The following CMYA5 variants were observed in gnomAD, a reference collection of about 807,000 sequenced individuals.
CMYA5 encodes cardiomyopathy-associated protein 5.
Under a neutral mutation model 318.9 loss-of-function variants are expected in CMYA5, and 246 were observed. The ratio of observed to expected loss-of-function variants is 0.77; its 90% CI spans 0.70 to 0.86. The LOEUF (loss-of-function observed/expected upper bound fraction) is 0.86. Ranked by LOEUF, CMYA5 falls within the 40% of genes least tolerant of loss-of-function variation. The probability of loss-of-function intolerance (pLI) is 0.00; values close to 1 mark genes in which losing one functional copy is unlikely to be tolerated. For missense variants in CMYA5, 4,589 were observed against 4,678.2 expected (o/e 0.98, Z 0.56); for synonymous variants, 1,641 against 1,729.5 (o/e 0.95, Z 1.27).
chr5:79,690,695 C>T (rs1189257969), intron 1 of CMYA5, among the ~76,000 whole-genome samples: 1 of 152,172 alleles, frequency 6.6e-6, no homozygotes, highest in Non-Finnish European at 1.5e-5. Flanking sequence ...TAAGAAGGCC[C>T]TAAAATGAGA....
intron 1 of CMYA5, among the ~76,000 whole-genome samples, chr5:79,721,299 C>T (rs1046710896): frequency 1.3e-5 from 2 of 151,802 alleles, no homozygotes; most frequent in Admixed American, 6.6e-5. Context: ...GCCTGGGCAA[C>T]ATATTGAGAC....
chr5:79,747,048 T>C lies in CMYA5; in HGVS notation c.10969-43T>C, dbSNP rs1828338078. On this transcript the variant is annotated intron_variant, in intron 4 of 12. Coordinates refer to ENST00000446378, the MANE Select transcript of CMYA5 (RefSeq NM_153610.5). ...CTTCTCTCTCTCTTTCTCTCTCTCTTTTTCTCTCTTCTCCTCCTCCTTCCT... is the reference window on the plus strand; with the variant it reads ...CTTCTCTCTCTCTTTCTCTCTCTCTCTTTCTCTCTTCTCCTCCTCCTTCCT... The C allele has an allele frequency of 3.4e-6, 4 of 1,177,132 alleles. No individual in the cohort carries two copies. In the African/African-American group the frequency reaches 4.6e-5, roughly 14 times the overall value. The allele number at this position is 1,177,132 out of a possible 1,614,324, so 72.9% of individuals were successfully genotyped here. A position where few individuals can be genotyped will look rare whatever the true frequency, so the allele number is the denominator to read the frequency against.
rs766864550 is a variant in CMYA5, at chr5:79,758,868, C to T, written c.11226C>T (p.Cys3742=). Residue 3742 remains cysteine, a synonymous_variant, in exon 7 of 13, where the codon TGC becomes TGT. Transcript: ENST00000446378. The part of the protein sequence containing the change: ...EDVIDSFQVY[C]MEEPQDDQEV... ...TCATTGATTCATTTCAGGTTTACTG[C>T]ATGGAGGAGCCACAAGATGATCAAG... is the stretch of plus-strand genomic sequence containing the variant. The T allele has an allele frequency of 1.3e-6, 2 of 1,598,456 alleles. No individual in the cohort carries two copies. The highest frequency in any genetic ancestry group is 1.7e-6 in the Non-Finnish European group (2 of 1,172,654).
Position 79,730,382 on chromosome 5 carries a change from C to T in CMYA5, c.1617C>T (p.Ser539=). The change falls in exon 2 of 13, where the codon AGC becomes AGT. Residue 539 remains serine (S), a synonymous_variant. Transcript: ENST00000446378. Reference sequence around the variant, plus strand: ...TCGTAGAACTTGATTACCCAGAAAGCCCATTGGTTTCCGAGAAGCCCTTCC... The same window carrying T: ...TCGTAGAACTTGATTACCCAGAAAGTCCATTGGTTTCCGAGAAGCCCTTCC... ...EEIVELDYPE[S]PLVSEKPFPP... is the part of the protein sequence containing the mutation. 2 of 1,613,900 alleles carry T rather than the reference C, an allele frequency of 1.2e-6. No homozygotes were observed. Among genetic ancestry groups the T allele is most frequent in the Admixed American group, 1.7e-5 (1 of 60,030 alleles).
chr5:79,772,753 C>T lies in CMYA5; in HGVS notation c.11555+9544C>T, dbSNP rs866947117. Among the ~76,000 whole-genome samples, 29 of 152,272 alleles carry T rather than the reference C, an allele frequency of 1.9e-4. 1 individual carries two copies. Among genetic ancestry groups the T allele is most frequent in the Middle Eastern group, 6.8e-3 (2 of 294 alleles). ...GGTTCTTTAATGTAAGAGTTCAAGA[C>T]GGAAGGAAAATTCTGCTCTTTGGGA... On this transcript the variant is annotated intron_variant, in intron 9 of 12. Coordinates refer to ENST00000446378, the MANE Select transcript of CMYA5 (RefSeq NM_153610.5).
rs531799249 is a variant in CMYA5, at chr5:79,777,194, GA to G, written c.11556-11775del. On this transcript the variant is annotated intron_variant, in intron 9 of 12. Transcript: ENST00000446378. Reference sequence around the variant, plus strand: ...AAATATTTAATTAAATTTGGATAGAGAATATGTATTTATGGTACAAATTAAA... The same window carrying G: ...AAATATTTAATTAAATTTGGATAGAGATATGTATTTATGGTACAAATTAAA... Among the ~76,000 whole-genome samples the G allele has an allele frequency of 1.2e-4, 19 of 152,218 alleles. No individual in the cohort carries two copies. In the South Asian group the frequency reaches 3.3e-3, roughly 27 times the overall value.
intron 9 of CMYA5, among the ~76,000 whole-genome samples, chr5:79,766,303 A>G (rs1462287668): frequency 2.0e-5 from 3 of 152,076 alleles, no homozygotes; most frequent in Admixed American, 1.3e-4. Flanking sequence ...GGGTTTCACC[A>G]TGTTAGCCAG....
chr5:79,704,687 G>GAGAGAGGGAGAGAAAGAGAGAGAA (rs1827237349), intron 1 of CMYA5, among the ~76,000 whole-genome samples: 3 of 152,088 alleles, frequency 2.0e-5, no homozygotes, highest in African/African-American at 7.2e-5. Context: ...TTGAGAGAGA[G>GAGAGAGGGAGAGAAAGAGAGAGAA]AGAGGGAGAG....
chr5:79,769,987 A>G (rs1355425521), intron 9 of CMYA5, among the ~76,000 whole-genome samples: 1 of 152,168 alleles, frequency 6.6e-6, no homozygotes, highest in African/African-American at 2.4e-5. Flanking sequence ...CCTTTCTTTC[A>G]GAGATGCCCT....
In CMYA5 at chr5:79,799,497, C is replaced by T; in HGVS notation, c.12091C>T (p.Leu4031Phe). ...IFINAESEQLLFIIRHRFNEG... is the reference protein window; with the variant it reads ...IFINAESEQLFFIIRHRFNEG... ...CATCAACGCAGAGAGCGAGCAGTTG[C>T]TCTTCATCATCAGGCACAGGTTTAA... Residue 4031 changes from leucine to phenylalanine, a missense_variant, in exon 13 of 13, where the codon CTC (leucine) becomes TTC (phenylalanine). Physicochemically the swap from Leu to Phe is conservative, Grantham distance 22 (BLOSUM62 0). Around this residue, in one of 3 missense-constraint regions of CMYA5, gnomAD observed 2,431 missense variants for 2,495.1 expected, o/e 0.97. Coordinates refer to ENST00000446378, the MANE Select transcript of CMYA5 (RefSeq NM_153610.5). The T allele has an allele frequency of 6.2e-7, 1 of 1,614,036 alleles. No homozygotes were observed. Among genetic ancestry groups the T allele is most frequent in the Non-Finnish European group, 8.5e-7 (1 of 1,179,898 alleles).
intron 1 of CMYA5, 84 bp downstream of exon 1, chr5:79,690,140 T>TG: frequency 1.5e-6 from 2 of 1,367,766 alleles, no homozygotes; most frequent in South Asian, 3.4e-5. Context: ...TTTTAAGCTC[T>TG]GGGGTTCGTT....
At chr5:79,794,998 A>G (rs767785914) in intron 12 of CMYA5, among the ~76,000 whole-genome samples, 1 of 152,218 alleles carries the variant, frequency 6.6e-6, no homozygotes, top group Non-Finnish European at 1.5e-5. Flanking sequence ...AGCTGAAACT[A>G]CATATTAATT....
At chr5:79,755,260 C>T (rs1403213151) in intron 6 of CMYA5, among the ~76,000 whole-genome samples, 1 of 151,930 alleles carries the variant, frequency 6.6e-6, no homozygotes, top group African/African-American at 2.4e-5. Context: ...AAGCCCTAAA[C>T]TTTCATTTTG....
At chr5:79,760,985 G>A (rs1018935674) in intron 7 of CMYA5, among the ~76,000 whole-genome samples, 3 of 152,120 alleles carry the variant, frequency 2.0e-5, no homozygotes, top group Non-Finnish European at 4.4e-5. Flanking sequence ...TTCTTAAGTG[G>A]AAAAGTTTTG....
At chr5:79,770,976 A>T (rs1369538051) in intron 9 of CMYA5, among the ~76,000 whole-genome samples, 1 of 152,058 alleles carries the variant, frequency 6.6e-6, no homozygotes, top group East Asian at 1.9e-4. Flanking sequence ...TCAAGAAACA[A>T]CATCTCTTTT....
In CMYA5 at chr5:79,739,252, T is replaced by C. The variant is rs1320092879; in HGVS notation, c.10487T>C (p.Val3496Ala). ...GAAGACCAATTATCATCTGAGGTAG[T>C]AACTGAAAAGGCACAAAAAGAGCTG... The part of the protein sequence containing the change: ...KEEDQLSSEV[V>A]TEKAQKELKK... Residue 3496 changes from valine (V) to alanine (A), a missense_variant, in exon 2 of 13, where the codon GTA (valine) becomes GCA (alanine). By Grantham distance (64) the Val-to-Ala change is moderately conservative (BLOSUM62 0). Coordinates refer to ENST00000446378, the MANE Select transcript of CMYA5 (RefSeq NM_153610.5). 3.7e-6 allele frequency: 6 copies of C among 1,612,456 alleles called. No individual in the cohort carries two copies. In the Admixed American group the frequency reaches 1.0e-4, roughly 27 times the overall value.
chr5:79,774,040 C>T (rs1014718736), intron 9 of CMYA5, among the ~76,000 whole-genome samples: 1 of 152,206 alleles, frequency 6.6e-6, no homozygotes, highest in African/African-American at 2.4e-5. Context: ...ATCTTCAGAC[C>T]TGCAGTCCTT....
intron 5 of CMYA5, 67 bp downstream of exon 5, chr5:79,747,180 G>A: frequency 6.8e-7 from 1 of 1,462,186 alleles, no homozygotes; most frequent in Non-Finnish European, 9.1e-7. Flanking sequence ...TAATATTTTG[G>A]TGCTTTATGG....
intron 2 of CMYA5, among the ~76,000 whole-genome samples, chr5:79,743,328 G>T (rs1225839417): frequency 6.6e-6 from 1 of 152,058 alleles, no homozygotes; most frequent in Non-Finnish European, 1.5e-5. Context: ...GAACTTTTAG[G>T]TCCCTTTAGT....
Sources: allele counts gnomAD v4.1 joint callset (sites outside exome capture counted in the v4.1 genomes callset), GRCh38; gene constraint gnomAD v4.1.1; regional missense constraint gnomAD v4.1.1; transcripts MANE v1.5; gene names NCBI Gene and HGNC (gene_info 2026-07-23, HGNC 2026-07-21).